PFKP: variants seen among roughly 807,000 people sequenced by gnomAD.
PFKP encodes phosphofructokinase, platelet.
PFKP carries 101 observed loss-of-function variants against 94.3 expected under a neutral mutation model. That is an observed-to-expected ratio of 1.07 (90% CI 0.91 to 1.26). PFKP has a LOEUF of 1.26. PFKP is among the 50% of genes most tolerant of loss of function. The pLI is 0.00. For missense variants in PFKP, 1,145 were observed against 1,103.3 expected, an observed-to-expected ratio of 1.04 and a Z score of -0.53; for synonymous variants, 573 against 432.6, an observed-to-expected ratio of 1.32 and a Z score of -4.03.
At chr10:3,070,886 T>C (rs937093473) in intron 1 of PFKP, among the ~76,000 whole-genome samples, 3 of 149,686 alleles carry the variant, frequency 2.0e-5, no homozygotes, top group Middle Eastern at 3.4e-3. Context: ...GAATGCACCA[T>C]CATGACCAGC....
rs1286005436 is a variant in PFKP, at chr10:3,108,687, A to C, written c.871-14A>C. 1 of 1,606,374 alleles carries C rather than the reference A, an allele frequency of 6.2e-7. No homozygotes were observed. Among genetic ancestry groups the C allele is most frequent in the East Asian group, 2.2e-5 (1 of 44,872 alleles). On this transcript the variant is annotated splice_polypyrimidine_tract_variant and intron_variant, in intron 8 of 21. Transcript: ENST00000381125. The stretch of plus-strand genomic sequence containing the variant: ...CATCACAGTTCCGCATCCTAACGAG[A>C]TGTTTCCTTGCAGCTTGTCGTCACG...
In PFKP at chr10:3,103,307, TTC is replaced by T. The variant is rs1285575521; in HGVS notation, c.455-468_455-467del. ...GTAACTGCTGCCAGCTTTGTCTGGC[TTC>T]TCTTTCCTTAACTATGCAGAATCCG... On this transcript the variant is annotated intron_variant, in intron 4 of 21. Transcript: ENST00000381125. Among the ~76,000 whole-genome samples the T allele has an allele frequency of 6.6e-5, 10 of 152,342 alleles. No individual in the cohort carries two copies. The East Asian group carries it at 1.9e-3, about 29-fold the overall frequency.
intron 2 of PFKP, among the ~76,000 whole-genome samples, chr10:3,088,537 G>C (rs1182298220): frequency 2.0e-5 from 3 of 152,184 alleles, no homozygotes; most frequent in Non-Finnish European, 4.4e-5. Flanking sequence ...TCACCCAGCC[G>C]AGGTGACGGC....
intron 1 of PFKP, among the ~76,000 whole-genome samples, chr10:3,080,855 C>T (rs114998539): frequency 0.011 from 1,628 of 152,174 alleles, 26 homozygotes; most frequent in African/African-American, 0.038. Flanking sequence ...GTTGTATGGG[C>T]AGGAGCCAGC....
chr10:3,116,034 A>T (rs934829490), intron 13 of PFKP, among the ~76,000 whole-genome samples: 1 of 152,162 alleles, frequency 6.6e-6, no homozygotes, highest in Non-Finnish European at 1.5e-5. Flanking sequence ...ACTTGTGAAG[A>T]TTAATTGGCT....
chr10:3,135,782 C>G lies in PFKP; in HGVS notation c.2169C>G (p.Ser723Arg), dbSNP rs894806188. Residue 723 changes from serine to arginine, a missense_variant, in exon 21 of 22, where the codon AGC becomes AGG. By Grantham distance (110) the Ser-to-Arg change is moderately radical (BLOSUM62 -1). Around this residue, in one of 3 missense-constraint regions of PFKP, gnomAD observed 1,119 missense variants for 1,062.8 expected, o/e 1.05. Coordinates refer to ENST00000381125, the MANE Select transcript of PFKP (RefSeq NM_002627.5). Reference protein sequence around the residue: ...TDDSICVLGISKRNVIFQPVA... With the variant: ...TDDSICVLGIRKRNVIFQPVA... The stretch of plus-strand genomic sequence containing the variant: ...ATTCCATTTGTGTGCTGGGAATAAG[C>G]AAAAGAAACGTTATTTTTCAACCTG... 3 of 1,613,420 alleles carry G rather than the reference C, an allele frequency of 1.9e-6. No individual in the cohort carries two copies. Among genetic ancestry groups the G allele is most frequent in the African/African-American group, 2.7e-5 (2 of 74,882 alleles).
chr10:3,109,416 C>G lies in PFKP; in HGVS notation c.1025C>G (p.Ala342Gly). ...CTAGAGGCCACCCCGGACACCCCAG[C>G]TTGCGTCGTGTCACTGAACGGGAAC... is the stretch of plus-strand genomic sequence containing the variant. The part of the protein sequence containing the change: ...ALLEATPDTP[A>G]CVVSLNGNHA... The change falls in exon 10 of 22, where the codon GCT becomes GGT. Residue 342 changes from alanine to glycine, a missense_variant. This residue lies in a region of PFKP where 1,119 missense variants were observed against 1,062.8 expected (regional missense o/e 1.05). Coordinates refer to ENST00000381125, the MANE Select transcript of PFKP (RefSeq NM_002627.5). 2 of 1,610,030 alleles carry G rather than the reference C, an allele frequency of 1.2e-6. No homozygotes were observed. Among genetic ancestry groups the G allele is most frequent in the Non-Finnish European group, 1.7e-6 (2 of 1,179,978 alleles).
At chr10:3,091,903 A>T (rs1271395449) in intron 2 of PFKP, among the ~76,000 whole-genome samples, 1 of 152,248 alleles carries the variant, frequency 6.6e-6, no homozygotes, top group East Asian at 1.9e-4. Context: ...TCCACACCCT[A>T]AAGAAAGGCT....
At chr10:3,132,709 A>G (rs567077896) in intron 18 of PFKP, among the ~76,000 whole-genome samples, 2 of 150,244 alleles carry the variant, frequency 1.3e-5, no homozygotes, top group Admixed American at 6.6e-5. Flanking sequence ...ATGAAGAAAG[A>G]AGGAAATACA....
chr10:3,134,120 T>C (rs753233930), intron 19 of PFKP, among the ~76,000 whole-genome samples: 1 of 152,178 alleles, frequency 6.6e-6, no homozygotes, highest in Non-Finnish European at 1.5e-5. Context: ...GCAATGATGA[T>C]GAAATAGTAG....
At chr10:3,079,981 A>T (rs1469931627) in intron 1 of PFKP, among the ~76,000 whole-genome samples, 2 of 151,612 alleles carry the variant, frequency 1.3e-5, no homozygotes, top group Non-Finnish European at 1.5e-5. Flanking sequence ...GAATAAATGG[A>T]ATCAGGTGGG....
At chr10:3,086,028 G>C (rs1330563800) in intron 2 of PFKP, among the ~76,000 whole-genome samples, 2 of 152,082 alleles carry the variant, frequency 1.3e-5, no homozygotes, top group African/African-American at 2.4e-5. Context: ...TGGACTTTGG[G>C]AGACAGTACC....
intron 1 of PFKP, among the ~76,000 whole-genome samples, chr10:3,080,573 G>A (rs1028493219): frequency 1.3e-5 from 2 of 150,738 alleles, no homozygotes; most frequent in African/African-American, 4.9e-5. Flanking sequence ...AAAACATCTC[G>A]GACGTAGTGT....
intron 1 of PFKP, among the ~76,000 whole-genome samples, chr10:3,080,619 C>T (rs1416151136): frequency 6.6e-6 from 1 of 151,964 alleles, no homozygotes; most frequent in Non-Finnish European, 1.5e-5. Context: ...GTGAAACTCG[C>T]ACAGCCCAAC....
At chr10:3,092,000 T>C (rs571939103) in intron 2 of PFKP, among the ~76,000 whole-genome samples, 3 of 152,248 alleles carry the variant, frequency 2.0e-5, no homozygotes, top group Admixed American at 6.5e-5. Flanking sequence ...GATGCCTTTT[T>C]ATGTTGAAAG....
chr10:3,099,330 G>A lies in PFKP; in HGVS notation c.242G>A (p.Ser81Asn), dbSNP rs534446586. Residue 81 changes from serine (S) to asparagine (N), a missense_variant, in exon 3 of 22, where the codon AGT (serine) becomes AAT (asparagine). Coordinates refer to ENST00000381125, the MANE Select transcript of PFKP (RefSeq NM_002627.5). ...AACATCGCAGAGGCCGACTGGGAGA[G>A]TGTCTCCAGCATCCTGCAAGTGGTA... is the stretch of plus-strand genomic sequence containing the variant. ...GSNIAEADWESVSSILQVGGT... is the reference protein window; with the variant it reads ...GSNIAEADWENVSSILQVGGT... 49 of 1,614,120 alleles carry A rather than the reference G, an allele frequency of 3.0e-5. No individual in the cohort carries two copies. In the Admixed American group the frequency reaches 7.0e-4, roughly 23 times the overall value.
intron 16 of PFKP, among the ~76,000 whole-genome samples, chr10:3,128,018 AC>A (rs5782686): frequency 0.25 from 37,515 of 151,910 alleles, 4,697 homozygotes; most frequent in East Asian, 0.3. Context: ...TCAAGTCCAC[AC>A]CCCCACTTCA....
At chr10:3,108,835 A>T in intron 9 of PFKP, 42 bp downstream of exon 9, 5 of 1,411,606 alleles carry the variant, frequency 3.5e-6, no homozygotes, top group Non-Finnish European at 4.0e-6. Flanking sequence ...GGTCTCTAGG[A>T]GGAAGCGTTT....
intron 3 of PFKP, chr10:3,101,099 G>A: frequency 1.0e-6 from 1 of 962,926 alleles, no homozygotes; most frequent in African/African-American, 1.6e-5. Flanking sequence ...CCTGCTCCAT[G>A]TATTTAACTG....
Sources: gnomAD v4.1 joint callset for allele counts (sites outside exome capture counted in the v4.1 genomes callset) on GRCh38, gnomAD v4.1.1 for gene constraint, gnomAD v4.1.1 regional missense constraint, MANE v1.5 for transcripts, NCBI Gene and HGNC (gene_info 2026-07-23, HGNC 2026-07-21) for gene names.